Variants in AFF2 observed in about 807,000 individuals in gnomAD.
AFF2 encodes the protein AF4/FMR2 family member 2.
In AFF2, 14 loss-of-function variants were observed where a neutral mutation model predicts 76.9. The observed-to-expected ratio is 0.18, with a 90% CI of 0.12 to 0.28. The LOEUF is 0.28. AFF2 is among the 10% of genes least tolerant of loss of function. The pLI is 1.00. For synonymous variants in AFF2, 398 were observed against 366.7 expected, an observed-to-expected ratio of 1.09 and a Z score of -0.98; for missense variants, 868 against 1,001.1, an observed-to-expected ratio of 0.87 and a Z score of 1.79.
chrX:148,543,895 G>T (rs1219882880), intron 1 of AFF2, among the ~76,000 whole-genome samples: 8 of 112,278 alleles, frequency 7.1e-5, no homozygotes, highest in African/African-American at 2.6e-4. Context: ...CAACTCTTCT[G>T]CTCCTACCAT....
chrX:148,709,699 T>C (rs1257104252), intron 3 of AFF2, among the ~76,000 whole-genome samples: 1 of 111,951 alleles, frequency 8.9e-6, no homozygotes, highest in Non-Finnish European at 1.9e-5. Flanking sequence ...ACACACATAG[T>C]GTGGCACGGT....
Position 148,662,628 on chromosome X carries a change from A to G in AFF2, c.901A>G (p.Ile301Val). 3 of 1,211,973 alleles carry G rather than the reference A, an allele frequency of 2.5e-6. No homozygotes were observed. Among genetic ancestry groups the G allele is most frequent in the Middle Eastern group, 2.3e-4 (1 of 4,356 alleles). The change falls in exon 3 of 21, where the codon ATC becomes GTC. Residue 301 changes from isoleucine (I) to valine (V), a missense_variant. Ile to Val is a conservative substitution (Grantham distance 29, BLOSUM62 3). Transcript: ENST00000370460. ...GGATGGCCAGGACCAGGCACCGGACATCTCACCAACACTGAAACCTTCAAT... is the reference window on the plus strand; with the variant it reads ...GGATGGCCAGGACCAGGCACCGGACGTCTCACCAACACTGAAACCTTCAAT... ...PMDGQDQAPDISPTLKPSIEF... is the reference protein window; with the variant it reads ...PMDGQDQAPDVSPTLKPSIEF...
intron 1 of AFF2, among the ~76,000 whole-genome samples, chrX:148,620,577 C>T (rs782010247): frequency 3.4e-4 from 38 of 110,176 alleles, no homozygotes; most frequent in Non-Finnish European, 6.1e-4. Context: ...GTAATATAGA[C>T]TGATCTTACT....
intron 1 of AFF2, among the ~76,000 whole-genome samples, chrX:148,627,246 A>G (rs1431533804): frequency 8.9e-6 from 1 of 112,311 alleles, no homozygotes; most frequent in African/African-American, 3.2e-5. Context: ...CAAATGCTAC[A>G]GGAAGCAAAT....
At chrX:148,519,034 T>C (rs2052567932) in intron 1 of AFF2, among the ~76,000 whole-genome samples, 1 of 111,819 alleles carries the variant, frequency 8.9e-6, no homozygotes, top group African/African-American at 3.3e-5. Context: ...TATTGCCTTA[T>C]TTTTCTTTTT....
intron 9 of AFF2, among the ~76,000 whole-genome samples, chrX:148,926,702 C>A (rs1176952836): frequency 8.9e-6 from 1 of 112,183 alleles, no homozygotes; most frequent in Non-Finnish European, 1.9e-5. Context: ...TCCACTCCTG[C>A]CCACATTAAA....
At chrX:148,956,733 G>A in intron 11 of AFF2, 120 bp downstream of exon 11, 1 of 636,021 alleles carries the variant, frequency 1.6e-6, no homozygotes, top group Middle Eastern at 5.0e-4. Context: ...TTTGGCAAAG[G>A]TGATGATGCT....
At chrX:148,967,310 G>T (rs1382504122) in intron 14 of AFF2, among the ~76,000 whole-genome samples, 1 of 111,403 alleles carries the variant, frequency 9.0e-6, no homozygotes, top group Admixed American at 9.5e-5. Context: ...CCAAAGGCAG[G>T]TTGTTCTGTC....
At position 148,794,345 on chromosome X, in the gene AFF2, G is replaced by C. The variant is rs72611266; in HGVS notation, c.1042-15531G>C. On this transcript the variant is annotated intron_variant, in intron 3 of 20. Coordinates refer to ENST00000370460, the MANE Select transcript of AFF2 (RefSeq NM_002025.4). The stretch of plus-strand genomic sequence containing the variant: ...AAATCAATATTGACTGTGGATGTTG[G>C]GGGGAGGACAATTTTGAGGGCACAT... Among the ~76,000 whole-genome samples the C allele has an allele frequency of 2.3e-4, 26 of 111,915 alleles. No homozygotes were observed. The East Asian group carries it at 6.2e-3, about 27-fold the overall frequency.
intron 3 of AFF2, among the ~76,000 whole-genome samples, chrX:148,788,074 G>A (rs1353228747): frequency 9.0e-6 from 1 of 111,492 alleles, no homozygotes; most frequent in East Asian, 2.8e-4. Flanking sequence ...CTCAGTGGAT[G>A]GCTACATTGT....
intron 14 of AFF2, 25 bp from the exon 15 acceptor site, chrX:148,967,604 G>A: frequency 8.5e-7 from 1 of 1,181,811 alleles, no homozygotes; most frequent in Middle Eastern, 2.4e-4. Flanking sequence ...ATTGGTTTCT[G>A]AAAGAGCTTG....
At chrX:148,608,091 C>T (rs2053689913) in intron 1 of AFF2, among the ~76,000 whole-genome samples, 1 of 110,649 alleles carries the variant, frequency 9.0e-6, no homozygotes, top group Non-Finnish European at 1.9e-5. Context: ...TTGCACTTAC[C>T]GAGGTCCAGG....
chrX:148,924,168 A>G (rs2071625330), intron 9 of AFF2, among the ~76,000 whole-genome samples: 1 of 112,247 alleles, frequency 8.9e-6, no homozygotes, highest in Non-Finnish European at 1.9e-5. Flanking sequence ...AACTCTTCCT[A>G]GAGTGGAATA....
chrX:148,668,800 A>G (rs1365426527), intron 3 of AFF2, among the ~76,000 whole-genome samples: 1 of 112,283 alleles, frequency 8.9e-6, no homozygotes, highest in East Asian at 2.8e-4. Context: ...AAGACCTCTG[A>G]CATGCCCTGG....
At chrX:148,573,378 G>A (rs1325628905) in intron 1 of AFF2, among the ~76,000 whole-genome samples, 2 of 111,214 alleles carry the variant, frequency 1.8e-5, no homozygotes, top group Non-Finnish European at 1.9e-5. Flanking sequence ...AAAAGCCTGG[G>A]GGAAGTGCTA....
chrX:148,617,675 C>T (rs1336262631), intron 1 of AFF2, among the ~76,000 whole-genome samples: 1 of 112,193 alleles, frequency 8.9e-6, no homozygotes, highest in Non-Finnish European at 1.9e-5. Flanking sequence ...TTGAGTGTTG[C>T]GTGTTGATGC....
chrX:148,947,851 T>G (rs782477677), intron 9 of AFF2, among the ~76,000 whole-genome samples: 1 of 112,776 alleles, frequency 8.9e-6, no homozygotes. Flanking sequence ...ATAGACATTT[T>G]ATCCCAGTAA....
intron 1 of AFF2, among the ~76,000 whole-genome samples, chrX:148,558,286 C>T (rs782258144): frequency 3.6e-5 from 4 of 111,247 alleles, no homozygotes; most frequent in Non-Finnish European, 3.8e-5. Flanking sequence ...TGGAGTTGTG[C>T]GGGCGAGTGG....
intron 3 of AFF2, among the ~76,000 whole-genome samples, chrX:148,763,796 C>T (rs1206226088): frequency 8.9e-6 from 1 of 111,796 alleles, no homozygotes; most frequent in Non-Finnish European, 1.9e-5. Context: ...TGAATCTCAA[C>T]TGATTTTTAT....
Sources: gnomAD v4.1 joint callset for allele counts (sites outside exome capture counted in the v4.1 genomes callset) on GRCh38, gnomAD v4.1.1 for gene constraint, MANE v1.5 for transcripts, NCBI Gene and HGNC (gene_info 2026-07-23, HGNC 2026-07-21) for gene names.